The following CALD1 variants were observed in gnomAD, a reference collection of about 807,000 sequenced individuals.
CALD1 encodes the protein caldesmon.
CALD1 carries 33 observed loss-of-function variants against 99.9 expected under a neutral mutation model. That is an observed-to-expected ratio of 0.33 (90% CI 0.25 to 0.44). The LOEUF is 0.44. Ranked by LOEUF, CALD1 falls within the 20% of genes least tolerant of loss-of-function variation. CALD1 has a pLI of 1.00. For missense variants in CALD1, 861 were observed against 962.1 expected, an observed-to-expected ratio of 0.89 and a Z score of 1.39; for synonymous variants, 310 against 325.0, an observed-to-expected ratio of 0.95 and a Z score of 0.50.
At chr7:134,882,596 AT>A (rs1801656391) in intron 3 of CALD1, among the ~76,000 whole-genome samples, 2 of 152,338 alleles carry the variant, frequency 1.3e-5, no homozygotes, top group Admixed American at 6.5e-5. Context: ...AAACTGTATA[AT>A]CAAAAATTTC....
At chr7:134,883,317 C>T (rs951848608) in intron 3 of CALD1, among the ~76,000 whole-genome samples, 1 of 152,190 alleles carries the variant, frequency 6.6e-6, no homozygotes, top group African/African-American at 2.4e-5. Context: ...TCATATTTCA[C>T]ATCATTGGCT....
At chr7:134,784,273 A>G (rs1797222024) in intron 1 of CALD1, among the ~76,000 whole-genome samples, 1 of 152,180 alleles carries the variant, frequency 6.6e-6, no homozygotes, top group African/African-American at 2.4e-5. Context: ...TTAAGCAGGA[A>G]TATATAATTA....
chr7:134,757,109 T>C (rs1166886880), intron 1 of CALD1, among the ~76,000 whole-genome samples: 2 of 152,058 alleles, frequency 1.3e-5, no homozygotes, highest in African/African-American at 4.8e-5. Context: ...TCTTGGGCTT[T>C]TTTTTTAAGC....
chr7:134,873,894 AATT>A (rs963015903), intron 3 of CALD1, among the ~76,000 whole-genome samples: 10 of 152,332 alleles, frequency 6.6e-5, no homozygotes, highest in Admixed American at 2.0e-4. Context: ...ACTCATTATT[AATT>A]ATTATTATTT....
chr7:134,717,498 G>C, the CALD1 span, among the ~76,000 whole-genome samples: 7 of 152,314 alleles, frequency 4.6e-5, 1 homozygote, highest in Admixed American at 1.3e-4. Context: ...AAATGTACCT[G>C]CTTTGATCCT....
intron 1 of CALD1, among the ~76,000 whole-genome samples, chr7:134,800,407 GTCT>G (rs1236840346): frequency 1.3e-5 from 2 of 151,980 alleles, no homozygotes; most frequent in Admixed American, 6.6e-5. Context: ...ATCTATGACA[GTCT>G]TCTTATAAAA....
chr7:134,835,196 T>C (rs932605447), intron 1 of CALD1, among the ~76,000 whole-genome samples: 5 of 152,238 alleles, frequency 3.3e-5, no homozygotes, highest in Non-Finnish European at 7.3e-5. Flanking sequence ...TTGCTTTTGG[T>C]TGCAAGGGTA....
chr7:134,719,351 G>C, the CALD1 span, among the ~76,000 whole-genome samples: 1 of 152,186 alleles, frequency 6.6e-6, no homozygotes, highest in Non-Finnish European at 1.5e-5. Flanking sequence ...GGCAAATAGA[G>C]GGCTGGGGTC....
chr7:134,922,208 T>C lies in CALD1; in HGVS notation c.72-6546T>C, dbSNP rs144017984. Among the ~76,000 whole-genome samples the C allele has an allele frequency of 9.2e-5, 14 of 152,324 alleles. No homozygotes were observed. The East Asian group carries it at 2.5e-3, about 27-fold the overall frequency. On this transcript the variant is annotated intron_variant, in intron 3 of 14. Transcript: ENST00000361675. ...ATAAAATAAGTAAATATTTGTACTCTCTATAGACTTAAACTGTTCTTTTTC... is the reference window on the plus strand; with the variant it reads ...ATAAAATAAGTAAATATTTGTACTCCCTATAGACTTAAACTGTTCTTTTTC...
chr7:134,853,241 C>G (rs1047062122), intron 2 of CALD1, among the ~76,000 whole-genome samples: 2 of 152,160 alleles, frequency 1.3e-5, no homozygotes, highest in African/African-American at 4.8e-5. Context: ...TCAAATCTGA[C>G]TAGTTGCTTT....
At chr7:134,853,876 C>CCCT (rs35846091) in intron 2 of CALD1, among the ~76,000 whole-genome samples, 2 of 140,622 alleles carry the variant, frequency 1.4e-5, no homozygotes, top group African/African-American at 2.7e-5. Flanking sequence ...ACCCCCACCC[C>CCCT]GACAGGTCCC....
chr7:134,943,969 T>C (rs1806658081), intron 7 of CALD1, among the ~76,000 whole-genome samples: 1 of 152,202 alleles, frequency 6.6e-6, no homozygotes. Context: ...ATTTTGATTG[T>C]CCAAAATGAA....
chr7:134,859,896 G>C (rs1229032022), intron 2 of CALD1, among the ~76,000 whole-genome samples: 1 of 152,136 alleles, frequency 6.6e-6, no homozygotes, highest in East Asian at 1.9e-4. Flanking sequence ...CTCAGAAGGT[G>C]AAAGAAAGGG....
intron 1 of CALD1, among the ~76,000 whole-genome samples, chr7:134,772,086 A>G (rs1222938019): frequency 2.8e-5 from 4 of 143,400 alleles, no homozygotes; most frequent in Non-Finnish European, 6.0e-5. Context: ...GAATCAAAGA[A>G]TAAATGAACT....
intron 1 of CALD1, among the ~76,000 whole-genome samples, chr7:134,757,159 A>G (rs368710770): frequency 7.2e-5 from 11 of 152,128 alleles, no homozygotes; most frequent in African/African-American, 2.7e-4. Flanking sequence ...TATCAAATAA[A>G]CCCCTGAAGC....
intron 4 of CALD1, among the ~76,000 whole-genome samples, chr7:134,932,024 A>G (rs1805558752): frequency 6.6e-6 from 1 of 152,142 alleles, no homozygotes; most frequent in Non-Finnish European, 1.5e-5. Flanking sequence ...GTGACTCTCA[A>G]TCCCTAGGGC....
intron 3 of CALD1, chr7:134,891,466 G>T (rs1365525123): frequency 5.9e-6 from 8 of 1,356,738 alleles, no homozygotes; most frequent in Admixed American, 3.1e-5. Flanking sequence ...ACAGACCAAC[G>T]TGTTAACACA....
intron 1 of CALD1, among the ~76,000 whole-genome samples, chr7:134,758,501 GGTGTGTGT>G (rs59389296): frequency 8.3e-5 from 12 of 145,216 alleles, no homozygotes; most frequent in African/African-American, 2.0e-4. Flanking sequence ...CTCCCATTGG[GGTGTGTGT>G]GTGTGTGTGT....
intron 1 of CALD1, among the ~76,000 whole-genome samples, chr7:134,833,423 T>C (rs1799310038): frequency 6.6e-6 from 1 of 152,216 alleles, no homozygotes; most frequent in Non-Finnish European, 1.5e-5. Context: ...GGTTTAAGTT[T>C]GTGGCCACGT....
Sources: allele counts gnomAD v4.1 joint callset (sites outside exome capture counted in the v4.1 genomes callset), GRCh38; gene constraint gnomAD v4.1.1; transcripts MANE v1.5; gene names NCBI Gene and HGNC (gene_info 2026-07-23, HGNC 2026-07-21).